Variants in PPIL3 observed in about 807,000 individuals in gnomAD.
The protein encoded by PPIL3 is peptidyl-prolyl cis-trans isomerase-like 3.
Under a neutral mutation model 20.9 loss-of-function variants are expected in PPIL3, and 13 were observed. The observed-to-expected ratio is 0.62, with a 90% CI of 0.40 to 0.99. The LOEUF is 0.99. Ranked by LOEUF, PPIL3 falls within the 50% of genes least tolerant of loss-of-function variation. The pLI is 0.00. For missense variants in PPIL3, 170 were observed against 195.2 expected, an observed-to-expected ratio of 0.87 and a Z score of 0.77; for synonymous variants, 71 against 64.4, an observed-to-expected ratio of 1.10 and a Z score of -0.49.
intron 6 of PPIL3, among the ~76,000 whole-genome samples, chr2:200,876,047 G>C (rs1410340178): frequency 6.6e-6 from 1 of 151,834 alleles, no homozygotes; most frequent in Non-Finnish European, 1.5e-5. Context: ...CTATTTTTCA[G>C]ATCTGTTAGT....
intron 2 of PPIL3, 143 bp from the exon 3 acceptor site, chr2:200,885,915 A>C (rs1213570544): frequency 5.5e-6 from 3 of 541,486 alleles, no homozygotes; most frequent in Non-Finnish European, 9.7e-6. Context: ...CCATCCACAA[A>C]GCAGCTCTTA....
chr2:200,874,022 G>T (rs546847195), intron 6 of PPIL3, among the ~76,000 whole-genome samples: 1 of 151,088 alleles, frequency 6.6e-6, no homozygotes, highest in Non-Finnish European at 1.5e-5. Flanking sequence ...TGGCTAACAT[G>T]GTGAAACCCC....
At chr2:200,884,005 G>C (rs893718904) in intron 3 of PPIL3, among the ~76,000 whole-genome samples, 13 of 152,228 alleles carry the variant, frequency 8.5e-5, no homozygotes, top group African/African-American at 3.1e-4. Flanking sequence ...GCTCACCTTA[G>C]CCTCCCAAAG....
chr2:200,871,590 A>C, intron 6 of PPIL3, 69 bp from the exon 7 acceptor site: 1 of 1,335,586 alleles, frequency 7.5e-7, no homozygotes, highest in South Asian at 1.4e-5. Flanking sequence ...ATCTATGACA[A>C]TTACAGTCTC....
At chr2:200,884,027 T>C (rs1483476706) in intron 3 of PPIL3, among the ~76,000 whole-genome samples, 1 of 152,186 alleles carries the variant, frequency 6.6e-6, no homozygotes, top group Admixed American at 6.5e-5. Flanking sequence ...GCTGGAATTA[T>C]AGATGTGAGC....
chr2:200,873,365 T>C (rs1421953289), intron 6 of PPIL3, among the ~76,000 whole-genome samples: 1 of 151,844 alleles, frequency 6.6e-6, no homozygotes, highest in Non-Finnish European at 1.5e-5. Context: ...AATTTTTGTG[T>C]TTTTAGTAGA....
intron 6 of PPIL3, among the ~76,000 whole-genome samples, chr2:200,875,271 A>C (rs373541438): frequency 6.6e-6 from 1 of 151,366 alleles, no homozygotes; most frequent in African/African-American, 2.4e-5. Context: ...GTCTTCTGGG[A>C]AAGTTTTTTT....
chr2:200,881,107 T>G (rs1344478151), intron 5 of PPIL3, among the ~76,000 whole-genome samples: 1 of 152,186 alleles, frequency 6.6e-6, no homozygotes, highest in African/African-American at 2.4e-5. Context: ...CACTGTTTCA[T>G]GTCATTCAAC....
intron 6 of PPIL3, among the ~76,000 whole-genome samples, chr2:200,873,830 A>G (rs374929821): frequency 6.6e-6 from 1 of 152,020 alleles, no homozygotes; most frequent in African/African-American, 2.4e-5. Flanking sequence ...TACTTGTGGC[A>G]TCATGTCAGT....
chr2:200,873,099 C>A (rs1258286930), intron 6 of PPIL3, among the ~76,000 whole-genome samples: 1 of 151,752 alleles, frequency 6.6e-6, no homozygotes, highest in African/African-American at 2.4e-5. Context: ...CTGGCCTGAC[C>A]TCAGGTGATC....
chr2:200,876,694 A>G (rs1248414549), intron 6 of PPIL3, among the ~76,000 whole-genome samples: 1 of 151,884 alleles, frequency 6.6e-6, no homozygotes, highest in Non-Finnish European at 1.5e-5. Flanking sequence ...ATTTTTTAAA[A>G]TATTTTTAGT....
rs2039290704 is a variant in PPIL3, at chr2:200,871,109, T to C, written c.*286A>G. On this transcript the variant is annotated 3_prime_UTR_variant, in exon 7 of 7. Coordinates refer to ENST00000392283, the MANE Select transcript of PPIL3 (RefSeq NM_130906.3). ...TCAGGCCACTCAAAAATGCCTGCAC[T>C]TGAGGCTGAGCATTTAAAAATGAAT... The C allele has an allele frequency of 4.8e-6, 1 of 209,214 alleles. No individual in the cohort carries two copies. The highest frequency in any genetic ancestry group is 1.4e-4 in the South Asian group (1 of 6,920). 13.0% of individuals were successfully genotyped at this position (209,214 alleles called of 1,614,324 possible). A position where few individuals can be genotyped will look rare whatever the true frequency, so the allele number is the denominator to read the frequency against.
intron 6 of PPIL3, among the ~76,000 whole-genome samples, chr2:200,874,370 CAG>C (rs1258603317): frequency 6.6e-6 from 1 of 151,702 alleles, no homozygotes; most frequent in African/African-American, 2.4e-5. Flanking sequence ...GTAAGAGAAA[CAG>C]AGGAGGTAGA....
At chr2:200,872,249 C>G (rs2039331764) in intron 6 of PPIL3, among the ~76,000 whole-genome samples, 1 of 152,090 alleles carries the variant, frequency 6.6e-6, no homozygotes, top group South Asian at 2.1e-4. Context: ...ATAAAGGTTA[C>G]AACTCAGGAA....
In PPIL3 at chr2:200,877,052, T is replaced by A. The variant is rs755291752; in HGVS notation, c.241-15A>T. The A allele has an allele frequency of 2.7e-6, 4 of 1,485,562 alleles. No homozygotes were observed. The Admixed American group carries it at 6.7e-5, about 25-fold the overall frequency. 92.0% of individuals were successfully genotyped at this position (1,485,562 alleles called of 1,614,324 possible). On this transcript the variant is annotated splice_polypyrimidine_tract_variant and intron_variant, in intron 5 of 6. Transcript: ENST00000392283. ...CTAACATTGTGCTGAAAAAGACACA[T>A]CAAAGTATTAACTGTGTTTTTATAT...
chr2:200,873,846 A>G (rs1362373321), intron 6 of PPIL3, among the ~76,000 whole-genome samples: 1 of 152,000 alleles, frequency 6.6e-6, no homozygotes, highest in African/African-American at 2.4e-5. Flanking sequence ...TCAGTGCTCA[A>G]AAAGTTCCTA....
intron 6 of PPIL3, among the ~76,000 whole-genome samples, chr2:200,873,191 C>A (rs1017238844): frequency 1.2e-4 from 17 of 147,770 alleles, no homozygotes; most frequent in Non-Finnish European, 1.8e-4. Context: ...TATAGTATTT[C>A]TTTCTTTTTT....
At chr2:200,873,954 T>C (rs556886927) in intron 6 of PPIL3, among the ~76,000 whole-genome samples, 87 of 151,300 alleles carry the variant, frequency 5.8e-4, no homozygotes, top group East Asian at 2.6e-3. Context: ...GCCTGTAATC[T>C]CAGCACTTTG....
Sources: allele counts gnomAD v4.1 joint callset (sites outside exome capture counted in the v4.1 genomes callset), GRCh38; gene constraint gnomAD v4.1.1; transcripts MANE v1.5; gene names NCBI Gene and HGNC (gene_info 2026-07-23, HGNC 2026-07-21).